ROBO2: variants seen among roughly 807,000 people sequenced by gnomAD.
ROBO2 encodes the protein roundabout homolog 2.
Under a neutral mutation model 160.8 loss-of-function variants are expected in ROBO2, and 53 were observed. The ratio of observed to expected loss-of-function variants is 0.33; its 90% CI spans 0.26 to 0.41. ROBO2 has a LOEUF of 0.41. Among genes scored for constraint, ROBO2 ranks in the 10% least tolerant of loss-of-function variants. The probability of loss-of-function intolerance (pLI) is 1.00; values close to 1 mark genes in which losing one functional copy is unlikely to be tolerated. For synonymous variants in ROBO2, 664 were observed against 611.7 expected, an observed-to-expected ratio of 1.09 and a Z score of -1.26; for missense variants, 1,577 against 1,722.4, an observed-to-expected ratio of 0.92 and a Z score of 1.49.
intron 2 of ROBO2, among the ~76,000 whole-genome samples, chr3:77,298,433 A>C (rs917872599): frequency 1.6e-4 from 24 of 152,166 alleles, no homozygotes; most frequent in African/African-American, 5.8e-4. Context: ...TGATTTGCCA[A>C]ACTAAGGAAT....
At chr3:76,240,410 T>G (rs921449702) in intron 2 of ROBO2, among the ~76,000 whole-genome samples, 3 of 152,068 alleles carry the variant, frequency 2.0e-5, no homozygotes, top group African/African-American at 7.2e-5. Context: ...GAGTGTTGGT[T>G]AACCGGATGT....
chr3:77,507,053 A>G (rs2088642773), intron 5 of ROBO2, among the ~76,000 whole-genome samples: 1 of 152,148 alleles, frequency 6.6e-6, no homozygotes, highest in Non-Finnish European at 1.5e-5. Context: ...TGCACATCAG[A>G]TAGTTGCTGA....
chr3:77,369,731 T>C (rs910859923), intron 2 of ROBO2, among the ~76,000 whole-genome samples: 1 of 152,166 alleles, frequency 6.6e-6, no homozygotes, highest in African/African-American at 2.4e-5. Context: ...GTTAGGGTTT[T>C]ATGGATAGAC....
At chr3:76,132,769 A>G (rs2071277369) in intron 2 of ROBO2, among the ~76,000 whole-genome samples, 1 of 152,166 alleles carries the variant, frequency 6.6e-6, no homozygotes, top group Non-Finnish European at 1.5e-5. Context: ...TTTCCTGGAA[A>G]TTATAGAAAA....
intron 2 of ROBO2, among the ~76,000 whole-genome samples, chr3:77,381,543 C>T (rs2073467795): frequency 6.6e-6 from 1 of 152,170 alleles, no homozygotes; most frequent in Non-Finnish European, 1.5e-5. Flanking sequence ...CTTTCAGCAT[C>T]CCTTCAATGA....
intron 2 of ROBO2, among the ~76,000 whole-genome samples, chr3:76,508,571 T>A (rs2107720067): frequency 6.6e-6 from 1 of 152,296 alleles, no homozygotes; most frequent in Admixed American, 6.5e-5. Context: ...GAAACATCCA[T>A]ATCTATGTTT....
chr3:76,106,546 G>T (rs2069942153), intron 2 of ROBO2, among the ~76,000 whole-genome samples: 1 of 151,916 alleles, frequency 6.6e-6, no homozygotes, highest in South Asian at 2.1e-4. Context: ...TTGTTGAAGG[G>T]TTTCGAGCCA....
At chr3:76,699,050 G>T (rs2107407103) in intron 2 of ROBO2, among the ~76,000 whole-genome samples, 2 of 152,212 alleles carry the variant, frequency 1.3e-5, no homozygotes, top group Middle Eastern at 6.8e-3. Flanking sequence ...ACAAATGACA[G>T]AAATTTAAAT....
intron 2 of ROBO2, among the ~76,000 whole-genome samples, chr3:76,256,866 T>C (rs2107578401): frequency 6.6e-6 from 1 of 152,082 alleles, no homozygotes; most frequent in East Asian, 1.9e-4. Flanking sequence ...GAGCTTTTAC[T>C]CATGGCAGAA....
intron 2 of ROBO2, among the ~76,000 whole-genome samples, chr3:76,197,631 C>T (rs1702324402): frequency 6.6e-6 from 1 of 151,976 alleles, no homozygotes; most frequent in Admixed American, 6.6e-5. Flanking sequence ...GTTTATTTTC[C>T]TAAGTAGTGA....
At chr3:76,612,895 A>G (rs908353323) in intron 2 of ROBO2, among the ~76,000 whole-genome samples, 28 of 152,038 alleles carry the variant, frequency 1.8e-4, no homozygotes, top group Non-Finnish European at 5.9e-5. Flanking sequence ...AAGTATAGCT[A>G]CTACTGCTCT....
At chr3:77,159,440 G>A (rs1296819231) in intron 2 of ROBO2, among the ~76,000 whole-genome samples, 1 of 152,090 alleles carries the variant, frequency 6.6e-6, no homozygotes, top group East Asian at 1.9e-4. Context: ...ACCTAATGTA[G>A]ATGTGGCAGT....
At chr3:76,889,660 AC>A (rs1203853518) in intron 2 of ROBO2, among the ~76,000 whole-genome samples, 4 of 152,116 alleles carry the variant, frequency 2.6e-5, no homozygotes, top group African/African-American at 9.7e-5. Context: ...AAAGAAGAAA[AC>A]CATTAAAATC....
At chr3:77,551,457 A>T (rs1247620630) in intron 8 of ROBO2, among the ~76,000 whole-genome samples, 1 of 152,058 alleles carries the variant, frequency 6.6e-6, no homozygotes, top group Non-Finnish European at 1.5e-5. Flanking sequence ...TAAATTAACT[A>T]CCTTTCAAAG....
intron 1 of ROBO2, among the ~76,000 whole-genome samples, chr3:77,093,169 G>C (rs536261614): frequency 8.6e-4 from 131 of 152,262 alleles, no homozygotes; most frequent in African/African-American, 2.9e-3. Context: ...CTGATGAAGA[G>C]AGGGGAATCT....
intron 2 of ROBO2, among the ~76,000 whole-genome samples, chr3:76,249,525 AT>A (rs1426675508): frequency 6.6e-6 from 1 of 152,246 alleles, no homozygotes; most frequent in Admixed American, 6.5e-5. Flanking sequence ...AGTTATTATT[AT>A]TTTGCAATCT....
rs998157875 is a variant in ROBO2 at position 77,177,876 on chromosome 3, C to T, written c.388+79536C>T. On this transcript the variant is annotated intron_variant, in intron 2 of 25. Coordinates refer to ENST00000461745, the Ensembl canonical transcript of ROBO2. ...TCTCTCTTCCATTTATAATTATGTA[C>T]GTATATGTGCTAAATAAATATTATG... 2.0e-5 allele frequency among the ~76,000 whole-genome samples: 3 copies of T among 151,886 alleles called. 1 individual carries two copies. Among genetic ancestry groups the T allele is most frequent in the Admixed American group, 1.3e-4 (2 of 15,216 alleles).
intron 2 of ROBO2, among the ~76,000 whole-genome samples, chr3:76,145,516 T>C (rs1378730235): frequency 6.6e-6 from 1 of 151,996 alleles, no homozygotes; most frequent in Non-Finnish European, 1.5e-5. Context: ...AGCTACCTTT[T>C]ATACAAAAAT....
chr3:77,126,219 A>G (rs894684219), intron 2 of ROBO2, among the ~76,000 whole-genome samples: 1 of 152,184 alleles, frequency 6.6e-6, no homozygotes, highest in African/African-American at 2.4e-5. Context: ...GAGGAGAGGA[A>G]TAAAGCTTTA....
Sources: allele counts gnomAD v4.1 joint callset (sites outside exome capture counted in the v4.1 genomes callset), GRCh38; gene constraint gnomAD v4.1.1; transcripts MANE v1.5; gene names NCBI Gene and HGNC (gene_info 2026-07-23, HGNC 2026-07-21).